The following WDTC1 variants were observed in gnomAD, a reference collection of about 807,000 sequenced individuals.
WDTC1 encodes WD and tetratricopeptide repeats 1, also known as WD and tetratricopeptide repeats protein 1.
A neutral mutation model predicts 76.0 loss-of-function variants in WDTC1; 12 were observed. The observed-to-expected ratio is 0.16, with a 90% CI of 0.10 to 0.26. The LOEUF is 0.26. WDTC1 is among the 10% of genes least tolerant of loss of function. The pLI, the probability that WDTC1 is intolerant of heterozygous loss-of-function variation, is 1.00. For synonymous variants in WDTC1, 326 were observed against 350.8 expected (o/e 0.93, Z 0.79); for missense variants, 511 against 908.8 (o/e 0.56, Z 5.63).
chr1:27,306,665 G>A lies in WDTC1; in HGVS notation c.*282G>A. The A allele has an allele frequency of 2.1e-6, 1 of 485,280 alleles. No individual in the cohort carries two copies. Among genetic ancestry groups the A allele is most frequent in the East Asian group, 3.7e-5 (1 of 26,886 alleles). The allele number at this position is 485,280 out of a possible 1,614,324, so 30.1% of individuals were successfully genotyped here. ...ATCTCCTGCTTTCATGTCCCTGGAG[G>A]GCTCTGGCCTGCCTCAAAACCCCTT... is the stretch of plus-strand genomic sequence containing the variant. On this transcript the variant is annotated 3_prime_UTR_variant, in exon 16 of 16. Coordinates refer to ENST00000319394, the MANE Select transcript of WDTC1 (RefSeq NM_001276252.2). This position sits in a 1 kb window ranked among gnomAD's most constrained non-coding sequence, Gnocchi z 5.0.
In WDTC1 at chr1:27,303,897, C is replaced by G. The variant is rs891059641; in HGVS notation, c.1643+102C>G. ...TTCAGAGAAGAATCTCAAATCCCTG[C>G]TCTGCCTCTGTACCCTTGGGCAAAT... On this transcript the variant is annotated intron_variant, in intron 14 of 15. Transcript: ENST00000319394. The surrounding 1 kb of genome is among the most constrained non-coding windows in gnomAD (Gnocchi z 4.8). 1.3e-6 allele frequency: 2 copies of G among 1,493,752 alleles called. No individual in the cohort carries two copies. The highest frequency in any genetic ancestry group is 1.8e-6 in the Non-Finnish European group (2 of 1,091,710). The allele number at this position is 1,493,752 out of a possible 1,614,324, so 92.5% of individuals were successfully genotyped here.
At chr1:27,292,612 A>G (rs1341185300) in intron 7 of WDTC1, among the ~76,000 whole-genome samples, 1 of 151,826 alleles carries the variant, frequency 6.6e-6, no homozygotes, top group Non-Finnish European at 1.5e-5. Flanking sequence ...ATTTTTTTAT[A>G]GGGGCGGGGT....
At chr1:27,241,513 T>G (rs1176331302) in intron 1 of WDTC1, among the ~76,000 whole-genome samples, 1 of 152,162 alleles carries the variant, frequency 6.6e-6, no homozygotes, top group Non-Finnish European at 1.5e-5. Flanking sequence ...GTTACACATC[T>G]GGATATAACA....
intron 1 of WDTC1, among the ~76,000 whole-genome samples, chr1:27,257,218 C>T (rs1048931948): frequency 1.3e-5 from 2 of 152,114 alleles, no homozygotes; most frequent in Non-Finnish European, 2.9e-5. Context: ...AACCTTTTGA[C>T]TTACATTGTT....
In WDTC1 at chr1:27,297,950, G is replaced by A; in HGVS notation, c.1071G>A (p.Glu357=). The A allele has an allele frequency of 6.2e-7, 1 of 1,611,906 alleles. No individual in the cohort carries two copies. Among genetic ancestry groups the A allele is most frequent in the South Asian group, 1.1e-5 (1 of 90,862 alleles). ...ATTTCCCCTGCAGCCCCCAAGTAGA[G>A]CTACCACCATACCTGGAGCGTGTGA... is the stretch of plus-strand genomic sequence containing the variant. The part of the protein sequence containing the change: ...ESRGHVSPQV[E]LPPYLERVKQ... Residue 357 remains glutamate, a synonymous_variant, in exon 12 of 16, where the codon GAG becomes GAA. Coordinates refer to ENST00000319394, the MANE Select transcript of WDTC1 (RefSeq NM_001276252.2).
At chr1:27,283,615 C>T (rs958376253) in intron 5 of WDTC1, among the ~76,000 whole-genome samples, 166 bp downstream of exon 5, 27 of 152,214 alleles carry the variant, frequency 1.8e-4, no homozygotes, top group African/African-American at 6.3e-4. Context: ...CCTCATTTCT[C>T]TTCCATGTTC....
intron 5 of WDTC1, among the ~76,000 whole-genome samples, chr1:27,286,618 C>T (rs780638504): frequency 3.3e-5 from 5 of 151,262 alleles, no homozygotes; most frequent in South Asian, 2.1e-4. Context: ...TACAGGCGCA[C>T]GCCCGGCTAA....
chr1:27,295,296 T>G (rs1385042025), intron 9 of WDTC1, among the ~76,000 whole-genome samples: 1 of 152,088 alleles, frequency 6.6e-6, no homozygotes, highest in Non-Finnish European at 1.5e-5. Context: ...AAGGCCCAAA[T>G]ATATACAAAT....
intron 6 of WDTC1, among the ~76,000 whole-genome samples, chr1:27,289,867 C>T (rs1305260167): frequency 6.6e-6 from 1 of 152,092 alleles, no homozygotes; most frequent in East Asian, 1.9e-4. Flanking sequence ...CGCCTGCAAT[C>T]GCAGGCACTC....
At chr1:27,265,467 G>A (rs994190830) in intron 3 of WDTC1, among the ~76,000 whole-genome samples, 4 of 151,676 alleles carry the variant, frequency 2.6e-5, no homozygotes, top group African/African-American at 4.8e-5. Context: ...GCAACATAGC[G>A]AGACCTTGTC....
At chr1:27,240,714 T>C (rs7533193) in intron 1 of WDTC1, among the ~76,000 whole-genome samples, 138,543 of 152,132 alleles carry the variant, frequency 0.91, 64,492 homozygotes, top group East Asian at 1. Context: ...CAGTGGCTCA[T>C]GCCTGTAATC....
intron 1 of WDTC1, among the ~76,000 whole-genome samples, chr1:27,249,997 C>T (rs17262174): frequency 0.038 from 5,733 of 152,204 alleles, 149 homozygotes; most frequent in Middle Eastern, 0.1. Context: ...CTATACTCTG[C>T]CCCTGCCATC....
chr1:27,295,298 T>C (rs191641606), intron 9 of WDTC1, among the ~76,000 whole-genome samples: 84 of 152,220 alleles, frequency 5.5e-4, no homozygotes, highest in Middle Eastern at 3.4e-3. Flanking sequence ...GGCCCAAATA[T>C]ATACAAATGA....
chr1:27,302,334 T>G (rs2013852614), intron 13 of WDTC1, among the ~76,000 whole-genome samples: 1 of 151,730 alleles, frequency 6.6e-6, no homozygotes, highest in African/African-American at 2.4e-5. Flanking sequence ...ACCTGAATGG[T>G]GTGCATGCTG....
chr1:27,256,856 A>C (rs1361581367), intron 1 of WDTC1, among the ~76,000 whole-genome samples: 2 of 152,110 alleles, frequency 1.3e-5, no homozygotes, highest in East Asian at 3.9e-4. Flanking sequence ...AATATTTGAC[A>C]ACATATATTT....
At chr1:27,250,078 A>G (rs2011986573) in intron 1 of WDTC1, among the ~76,000 whole-genome samples, 1 of 152,208 alleles carries the variant, frequency 6.6e-6, no homozygotes, top group African/African-American at 2.4e-5. Context: ...GTTATAATCC[A>G]TGCTACTGAG....
Position 27,297,137 on chromosome 1 carries a change from G to A in WDTC1, c.1039G>A (p.Glu347Lys). 6.2e-7 allele frequency: 1 copy of A among 1,609,984 alleles called. No homozygotes were observed. Among genetic ancestry groups the A allele is most frequent in the Non-Finnish European group, 8.5e-7 (1 of 1,177,948 alleles). ...HLHSNGFRLP[E>K]SRGHVSPQVE... ...TCATAGCAATGGCTTCCGGCTGCCG[G>A]AGAGTAGGGGACATGTCAGGTGAGG... Residue 347 changes from glutamate to lysine, a missense_variant, in exon 11 of 16, where the codon GAG (glutamate) becomes AAG (lysine). Transcript: ENST00000319394.
intron 6 of WDTC1, among the ~76,000 whole-genome samples, chr1:27,290,725 T>C (rs2013513181): frequency 6.6e-6 from 1 of 152,228 alleles, no homozygotes; most frequent in Non-Finnish European, 1.5e-5. Flanking sequence ...TAGAACTTCT[T>C]TCTTATCTCC....
In WDTC1 at chr1:27,303,876, G is replaced by A; in HGVS notation, c.1643+81G>A. 6.4e-7 allele frequency: 1 copy of A among 1,558,404 alleles called. No homozygotes were observed. Among genetic ancestry groups the A allele is most frequent in the Non-Finnish European group, 8.7e-7 (1 of 1,146,074 alleles). ...GGAGTGTTGGGGCATAATGGTTTCA[G>A]AGAAGAATCTCAAATCCCTGCTCTG... On this transcript the variant is annotated intron_variant, in intron 14 of 15. Coordinates refer to ENST00000319394, the MANE Select transcript of WDTC1 (RefSeq NM_001276252.2). The surrounding 1 kb of genome is among the most constrained non-coding windows in gnomAD (Gnocchi z 4.8).
Sources: gnomAD v4.1 joint callset for allele counts (sites outside exome capture counted in the v4.1 genomes callset) on GRCh38, gnomAD v4.1.1 for gene constraint, Gnocchi (gnomAD v3.1) non-coding constraint, MANE v1.5 for transcripts, NCBI Gene and HGNC (gene_info 2026-07-23, HGNC 2026-07-21) for gene names.